Variants in PKD1L3 observed in about 807,000 individuals in gnomAD.
The protein encoded by PKD1L3 is polycystin-1-like protein 3.
PKD1L3 carries 239 observed loss-of-function variants against 184.1 expected under a neutral mutation model. The ratio of observed to expected loss-of-function variants is 1.30; its 90% CI spans 1.17 to 1.45. The LOEUF is 1.45. Among genes scored for constraint, PKD1L3 ranks in the 40% most tolerant of loss-of-function variants. The pLI, the probability that PKD1L3 is intolerant of heterozygous loss-of-function variation, is 0.00. For synonymous variants in PKD1L3, 996 were observed against 778.8 expected, an observed-to-expected ratio of 1.28 and a Z score of -4.64; for missense variants, 2,660 against 2,067.2, an observed-to-expected ratio of 1.29 and a Z score of -5.56.
intron 13 of PKD1L3, among the ~76,000 whole-genome samples, chr16:71,968,973 G>A (rs997652531): frequency 1.3e-5 from 2 of 151,184 alleles, no homozygotes; most frequent in African/African-American, 4.9e-5. Context: ...CGGCCAGGCT[G>A]GAGTGCAGTG....
At chr16:71,943,888 A>T in intron 23 of PKD1L3, 142 bp downstream of exon 23, 1 of 1,020,928 alleles carries the variant, frequency 9.8e-7, no homozygotes, top group Non-Finnish European at 1.4e-6. Flanking sequence ...CACCTGCTTT[A>T]CTGGAATCCC....
Position 71,967,240 on chromosome 16 carries a change from CAA to C in PKD1L3, c.2360_2361del (p.Phe787Ter), listed in dbSNP as rs1238553276. The C allele has an allele frequency of 1.5e-5, 23 of 1,551,576 alleles. No homozygotes were observed. Among genetic ancestry groups the C allele is most frequent in the Non-Finnish European group, 1.9e-5 (22 of 1,146,972 alleles). On this transcript the variant is annotated frameshift_variant, in exon 15 of 30. Transcript: ENST00000620267. LOFTEE classifies it high-confidence loss of function. The stretch of plus-strand genomic sequence containing the variant: ...AGGAAGACATCCAGGCCCCCTCGTT[CAA>C]AGACTGTCTTCTGGGGGTCACAGAG... Reference protein sequence around the residue: ...HHLCDPQKTVFERGGLDVFLL... With the variant: ...HHLCDPQKTVXERGGLDVFLL...
At chr16:71,947,375 A>G in intron 22 of PKD1L3, 117 bp downstream of exon 22, 2 of 669,084 alleles carry the variant, frequency 3.0e-6, no homozygotes, top group Non-Finnish European at 5.2e-6. Context: ...AAAAGGAGAA[A>G]TAACCAGTTG....
chr16:71,935,394 T>C lies in PKD1L3; in HGVS notation c.4577A>G (p.Lys1526Arg), dbSNP rs530380003. The change falls in exon 26 of 30, where the codon AAG (lysine) becomes AGG (arginine). Residue 1526 changes from lysine (K) to arginine (R), a missense_variant. Transcript: ENST00000620267. ...GLDMKSISLH[K>R]KNMARYRDDQ... The stretch of plus-strand genomic sequence containing the variant: ...ATCGCGGTATCGTGCCATGTTTTTC[T>C]TATGTAGAGAAATACTCTTCATGTC... 62 of 1,551,826 alleles carry C rather than the reference T, an allele frequency of 4.0e-5. No individual in the cohort carries two copies. The Admixed American group carries it at 4.1e-4, about 10-fold the overall frequency.
At position 71,965,609 on chromosome 16, in the gene PKD1L3, G is replaced by A. The variant is rs191146350; in HGVS notation, c.2465+1528C>T. On this transcript the variant is annotated intron_variant, in intron 15 of 29. Transcript: ENST00000620267. ...TCACTCTGTTGCCAAGTTGGACTGC[G>A]GTGGCACCATCTCTGCTCAACGCAA... is the stretch of plus-strand genomic sequence containing the variant. 1.5e-3 allele frequency among the ~76,000 whole-genome samples: 222 copies of A among 150,746 alleles called. 1 individual carries two copies. In the South Asian group the frequency reaches 0.019, roughly 13 times the overall value.
At chr16:71,933,362 C>T (rs2038057336) in intron 28 of PKD1L3, 58 bp downstream of exon 28, 2 of 1,315,896 alleles carry the variant, frequency 1.5e-6, no homozygotes, top group African/African-American at 2.9e-5. Context: ...TAAGGACCCC[C>T]CCAATTTTCC....
Position 71,951,712 on chromosome 16 carries a change from C to T in PKD1L3, c.3042G>A (p.Arg1014=). ...ELKETVRFLL[R]RNTYLLSKCE... ...ACTTGGAGAGTAGGTATGTATTTCT[C>T]CTGAGCAGGAATCTCACAGTTTCCT... The change falls in exon 19 of 30, where the codon AGG becomes AGA. Residue 1014 remains arginine (R), a synonymous_variant. Coordinates refer to ENST00000620267, the MANE Select transcript of PKD1L3 (RefSeq NM_181536.2). 5.2e-6 allele frequency: 8 copies of T among 1,551,298 alleles called. No individual in the cohort carries two copies. The highest frequency in any genetic ancestry group is 2.0e-5 in the Admixed American group (1 of 50,890).
intron 4 of PKD1L3, among the ~76,000 whole-genome samples, chr16:71,986,674 A>G (rs893978545): frequency 6.6e-6 from 1 of 152,142 alleles, no homozygotes; most frequent in African/African-American, 2.4e-5. Context: ...ATATTAGTGT[A>G]TTTATTGTCA....
chr16:71,979,338 G>C (rs1428097434), intron 9 of PKD1L3, among the ~76,000 whole-genome samples: 1 of 152,164 alleles, frequency 6.6e-6, no homozygotes, highest in Non-Finnish European at 1.5e-5. Context: ...CAGCTACTTG[G>C]GAGGCTGAGG....
At chr16:71,956,939 G>A (rs1031090078) in intron 16 of PKD1L3, among the ~76,000 whole-genome samples, 3 of 152,094 alleles carry the variant, frequency 2.0e-5, no homozygotes, top group African/African-American at 7.2e-5. Context: ...TCTATATGAT[G>A]GACACACAAT....
chr16:71,990,262 G>C lies in PKD1L3; in HGVS notation c.585+18C>G. ...AGATCAACATTTCACAATGTATGTT[G>C]TCAAGGGAAGCACTTACAAGATGAG... On this transcript the variant is annotated intron_variant, in intron 4 of 29. Coordinates refer to ENST00000620267, the MANE Select transcript of PKD1L3 (RefSeq NM_181536.2). 6.5e-7 allele frequency: 1 copy of C among 1,528,046 alleles called. No individual in the cohort carries two copies. Among genetic ancestry groups the C allele is most frequent in the Non-Finnish European group, 8.9e-7 (1 of 1,126,428 alleles). The allele number at this position is 1,528,046 out of a possible 1,614,324, so 94.7% of individuals were successfully genotyped here. A position where few individuals can be genotyped will look rare whatever the true frequency, so the allele number is the denominator to read the frequency against.
chr16:71,970,260 A>G (rs149127533), intron 12 of PKD1L3, among the ~76,000 whole-genome samples, 155 bp from the exon 13 acceptor site: 1 of 152,354 alleles, frequency 6.6e-6, no homozygotes, highest in African/African-American at 2.4e-5. Context: ...CAATGTGGAA[A>G]GTAATTTAGC....
In PKD1L3 at chr16:71,942,603, C is replaced by A. The variant is rs753910934; in HGVS notation, c.4281G>T (p.Arg1427Ser). ...VLIPTDELHE[R>S]LTSKNENGFS... ...ATCCATTCTCATTCTTGCTTGTCAGCCTTTCGTGAAGCTCATCAGTGGGAA... is the reference window on the plus strand; with the variant it reads ...ATCCATTCTCATTCTTGCTTGTCAGACTTTCGTGAAGCTCATCAGTGGGAA... The change falls in exon 24 of 30, where the codon AGG becomes AGT. Residue 1427 changes from arginine (R) to serine (S), a missense_variant. By Grantham distance (110) the Arg-to-Ser change is moderately radical (BLOSUM62 -1). Coordinates refer to ENST00000620267, the MANE Select transcript of PKD1L3 (RefSeq NM_181536.2). The A allele has an allele frequency of 6.4e-7, 1 of 1,551,530 alleles. No homozygotes were observed. The highest frequency in any genetic ancestry group is 8.7e-7 in the Non-Finnish European group (1 of 1,147,010).
chr16:71,971,572 G>A (rs2039710203), intron 12 of PKD1L3, among the ~76,000 whole-genome samples: 1 of 152,170 alleles, frequency 6.6e-6, no homozygotes, highest in Admixed American at 6.5e-5. Context: ...GATGCCTTCT[G>A]CAATCAACTG....
At chr16:71,956,872 A>G (rs980150501) in intron 16 of PKD1L3, among the ~76,000 whole-genome samples, 4 of 152,228 alleles carry the variant, frequency 2.6e-5, no homozygotes, top group Admixed American at 6.5e-5. Flanking sequence ...ATAAATAAAT[A>G]TATAGATTGC....
In PKD1L3 at chr16:71,993,236, G is replaced by A; in HGVS notation, c.515C>T (p.Ala172Val). Residue 172 changes from alanine to valine, a missense_variant, in exon 3 of 30, where the codon GCA becomes GTA. Physicochemically the swap from Ala to Val is moderately conservative, Grantham distance 64. Transcript: ENST00000620267. ...HKKTKRGVAI[A>V]RDKMPPGPGH... The stretch of plus-strand genomic sequence containing the variant: ...ATTACCTGGGGGCATTTTGTCTCTT[G>A]CTATTGCAACTCCTCTTTTTGTCTT... 5 of 1,548,286 alleles carry A rather than the reference G, an allele frequency of 3.2e-6. No homozygotes were observed. The highest frequency in any genetic ancestry group is 4.4e-6 in the Non-Finnish European group (5 of 1,145,280).
At chr16:71,937,086 T>TC (rs2038206083) in intron 25 of PKD1L3, among the ~76,000 whole-genome samples, 1 of 152,098 alleles carries the variant, frequency 6.6e-6, no homozygotes, top group Non-Finnish European at 1.5e-5. Flanking sequence ...GACAGGGTCT[T>TC]GCTCTGTCGC....
At chr16:71,993,172 T>G in intron 3 of PKD1L3, 44 bp downstream of exon 3, 1 of 1,347,760 alleles carries the variant, frequency 7.4e-7, no homozygotes, top group South Asian at 1.3e-5. Context: ...TAGCAGAAAT[T>G]GATTCCACGG....
At chr16:71,948,041 C>T (rs562355679) in intron 21 of PKD1L3, among the ~76,000 whole-genome samples, 77 of 152,134 alleles carry the variant, frequency 5.1e-4, no homozygotes, top group African/African-American at 1.6e-3. Flanking sequence ...TTCAGCCTCC[C>T]GAGTAGCTGG....
Sources: allele counts gnomAD v4.1 joint callset (sites outside exome capture counted in the v4.1 genomes callset), GRCh38; gene constraint gnomAD v4.1.1; transcripts MANE v1.5; gene names NCBI Gene and HGNC (gene_info 2026-07-23, HGNC 2026-07-21).